VPS13B: variants seen among roughly 807,000 people sequenced by gnomAD.
The protein encoded by VPS13B is intermembrane lipid transfer protein VPS13B.
Under a neutral mutation model 426.4 loss-of-function variants are expected in VPS13B, and 285 were observed. The observed-to-expected ratio is 0.67, with a 90% CI of 0.61 to 0.74. VPS13B has a LOEUF of 0.74. Ranked by LOEUF, VPS13B falls within the 30% of genes least tolerant of loss-of-function variation. The pLI, the probability that VPS13B is intolerant of heterozygous loss-of-function variation, is 0.00. For synonymous variants in VPS13B, 1,676 were observed against 1,676.4 expected, an observed-to-expected ratio of 1.00 and a Z score of 0.01; for missense variants, 4,537 against 4,782.6, an observed-to-expected ratio of 0.95 and a Z score of 1.51.
chr8:99,785,941 C>T (rs1281202878), intron 43 of VPS13B, among the ~76,000 whole-genome samples: 3 of 152,134 alleles, frequency 2.0e-5, no homozygotes, highest in Admixed American at 1.3e-4. Context: ...GCCACTTTAC[C>T]GATGCACACA....
chr8:99,670,737 T>G lies in VPS13B; in HGVS notation c.6046+9246T>G, dbSNP rs1286135394. The stretch of plus-strand genomic sequence containing the variant: ...TATATAAGTGAAATCATGCAGTTTT[T>G]GTCTATTTCTGTTTGGTTTATTTCA... On this transcript the variant is annotated intron_variant, in intron 35 of 61. Coordinates refer to ENST00000357162, the MANE Select transcript of VPS13B (RefSeq NM_152564.5). Among the ~76,000 whole-genome samples the G allele has an allele frequency of 2.6e-5, 4 of 152,260 alleles. No homozygotes were observed. The East Asian group carries it at 5.8e-4, about 22-fold the overall frequency.
At chr8:99,312,415 C>G (rs1464525885) in intron 19 of VPS13B, among the ~76,000 whole-genome samples, 1 of 152,148 alleles carries the variant, frequency 6.6e-6, no homozygotes, top group Admixed American at 6.5e-5. Flanking sequence ...TTTTATTTCT[C>G]CTTCACTTAT....
chr8:99,492,294 G>A (rs1469550251), intron 25 of VPS13B, among the ~76,000 whole-genome samples: 1 of 152,206 alleles, frequency 6.6e-6, no homozygotes, highest in African/African-American at 2.4e-5. Flanking sequence ...CTACTGGGAG[G>A]TGTCTCTTGG....
chr8:99,758,321 A>C (rs898258634), intron 39 of VPS13B, among the ~76,000 whole-genome samples: 1 of 152,228 alleles, frequency 6.6e-6, no homozygotes, highest in African/African-American at 2.4e-5. Context: ...GAAAGACAAG[A>C]GAGGATTAGT....
chr8:99,239,648 G>A (rs1454888153), intron 17 of VPS13B, among the ~76,000 whole-genome samples: 3 of 152,024 alleles, frequency 2.0e-5, no homozygotes, highest in Non-Finnish European at 4.4e-5. Context: ...ACACAGAATT[G>A]CAGATAAAGA....
chr8:99,111,232 C>A lies in VPS13B; in HGVS notation c.715C>A (p.His239Asn), dbSNP rs748449257. The A allele has an allele frequency of 6.2e-7, 1 of 1,602,262 alleles. No individual in the cohort carries two copies. Among genetic ancestry groups the A allele is most frequent in the South Asian group, 1.1e-5 (1 of 87,832 alleles). Residue 239 changes from histidine (H) to asparagine (N), a missense_variant, in exon 6 of 62, where the codon CAT (histidine) becomes AAT (asparagine). This residue lies in a region of VPS13B where 226 missense variants were observed against 308.3 expected (regional missense o/e 0.73). Coordinates refer to ENST00000357162, the MANE Select transcript of VPS13B (RefSeq NM_152564.5). ...CAAATGTTCCTTCAGAACTCGTCTT[C>A]ATTTTACATATGAAAACCTAAATTC... Reference protein sequence around the residue: ...LYKCSFRTRLHFTYENLNSKM... With the variant: ...LYKCSFRTRLNFTYENLNSKM...
chr8:99,372,113 A>T (rs1446354372), intron 19 of VPS13B, among the ~76,000 whole-genome samples: 1 of 151,548 alleles, frequency 6.6e-6, no homozygotes, highest in Admixed American at 6.6e-5. Context: ...TAGCCGGGCG[A>T]GGTGGCGGGC....
At chr8:99,425,573 A>T (rs1816649783) in intron 21 of VPS13B, among the ~76,000 whole-genome samples, 3 of 152,208 alleles carry the variant, frequency 2.0e-5, no homozygotes, top group African/African-American at 7.2e-5. Context: ...TCTCAAAATA[A>T]TAAGAGCTAT....
intron 54 of VPS13B, among the ~76,000 whole-genome samples, chr8:99,844,436 C>G (rs545592044): frequency 1.3e-5 from 2 of 149,752 alleles, no homozygotes. Flanking sequence ...GGCCCGGTCT[C>G]GGCTCACTGC....
chr8:99,294,772 G>A (rs1235380100), intron 19 of VPS13B, among the ~76,000 whole-genome samples: 1 of 152,122 alleles, frequency 6.6e-6, no homozygotes, highest in East Asian at 1.9e-4. Flanking sequence ...ATACTGTTGT[G>A]TTGTCCATTG....
chr8:99,646,190 C>G (rs980557535), intron 34 of VPS13B, among the ~76,000 whole-genome samples: 1 of 152,152 alleles, frequency 6.6e-6, no homozygotes, highest in African/African-American at 2.4e-5. Flanking sequence ...TCATGTGTTT[C>G]CACAGTGTTC....
chr8:99,835,289 G>A lies in VPS13B; in HGVS notation c.9707G>A (p.Cys3236Tyr), dbSNP rs1355600535. The A allele has an allele frequency of 6.2e-7, 1 of 1,613,154 alleles. No homozygotes were observed. Among genetic ancestry groups the A allele is most frequent in the Non-Finnish European group, 8.5e-7 (1 of 1,179,282 alleles). ...CCTCGAGTAATTATCCACAATAGAT[G>A]TCCAGTAAAAATGCTTATAAAGGAA... is the stretch of plus-strand genomic sequence containing the variant. ...PSPRVIIHNR[C>Y]PVKMLIKENI... Residue 3236 changes from cysteine to tyrosine, a missense_variant, in exon 53 of 62, where the codon TGT (cysteine) becomes TAT (tyrosine). Transcript: ENST00000357162.
intron 3 of VPS13B, among the ~76,000 whole-genome samples, chr8:99,095,522 C>G (rs1483907688): frequency 6.6e-6 from 1 of 152,088 alleles, no homozygotes; most frequent in East Asian, 1.9e-4. Context: ...TACTTAAAAA[C>G]AAACAAACAA....
At chr8:99,805,251 AAAT>A (rs951360095) in intron 43 of VPS13B, among the ~76,000 whole-genome samples, 2 of 151,834 alleles carry the variant, frequency 1.3e-5, no homozygotes, top group African/African-American at 4.8e-5. Flanking sequence ...GCAAAAAAAA[AAAT>A]ACACAAATGA....
intron 33 of VPS13B, among the ~76,000 whole-genome samples, chr8:99,611,373 A>G (rs1216796331): frequency 6.6e-6 from 1 of 152,164 alleles, no homozygotes; most frequent in African/African-American, 2.4e-5. Flanking sequence ...TAAAGTACAT[A>G]TTTATACTTT....
intron 51 of VPS13B, among the ~76,000 whole-genome samples, chr8:99,827,202 C>T (rs375340437): frequency 4.6e-5 from 7 of 151,718 alleles, no homozygotes; most frequent in African/African-American, 7.3e-5. Flanking sequence ...TCTGGTCCTG[C>T]GCATTTTTGG....
At chr8:99,495,411 A>G (rs1019911696) in intron 25 of VPS13B, among the ~76,000 whole-genome samples, 2 of 152,206 alleles carry the variant, frequency 1.3e-5, no homozygotes, top group African/African-American at 4.8e-5. Context: ...CAGATCTGGT[A>G]TCTGAACTTC....
At chr8:99,560,092 G>A (rs573762933) in intron 31 of VPS13B, among the ~76,000 whole-genome samples, 51 of 152,118 alleles carry the variant, frequency 3.4e-4, no homozygotes, top group Middle Eastern at 3.4e-3. Context: ...TTGAGCAGTC[G>A]TCTGTAGTTC....
intron 8 of VPS13B, among the ~76,000 whole-genome samples, chr8:99,127,140 G>T (rs1665132366): frequency 6.6e-6 from 1 of 151,888 alleles, no homozygotes. Context: ...ATTATATCTG[G>T]GTTACCAGGG....
Sources: gnomAD v4.1 joint callset for allele counts (sites outside exome capture counted in the v4.1 genomes callset) on GRCh38, gnomAD v4.1.1 for gene constraint, gnomAD v4.1.1 regional missense constraint, MANE v1.5 for transcripts, NCBI Gene and HGNC (gene_info 2026-07-23, HGNC 2026-07-21) for gene names.